Variants in SDK1 observed in about 807,000 individuals in gnomAD.
SDK1 encodes the protein protein sidekick-1.
In SDK1, 157 loss-of-function variants were observed where a neutral mutation model predicts 245.5. That is an observed-to-expected ratio of 0.64 (90% confidence interval 0.56 to 0.73). The LOEUF is 0.73. SDK1 is among the 30% of genes least tolerant of loss of function. The pLI, the probability that SDK1 is intolerant of heterozygous loss-of-function variation, is 0.00. For missense variants in SDK1, 3,583 were observed against 3,002.3 expected (o/e 1.19, Z -4.52); for synonymous variants, 1,647 against 1,278.5 (o/e 1.29, Z -6.15).
rs974125074 is a variant in SDK1, at chr7:3,859,302, G to T, written c.847+37719G>T. Among the ~76,000 whole-genome samples, 3 of 152,162 alleles carry T rather than the reference G, an allele frequency of 2.0e-5. No homozygotes were observed. The East Asian group carries it at 5.8e-4, about 29-fold the overall frequency. On this transcript the variant is annotated intron_variant, in intron 5 of 44. Transcript: ENST00000404826. ...TCTCCTTCCAAGGTAGCTCCTCCTG[G>T]GGGGCCTTTGCTCATGGCTTGAGGC... is the stretch of plus-strand genomic sequence containing the variant.
chr7:4,015,084 G>T (rs1304125493), intron 16 of SDK1, among the ~76,000 whole-genome samples: 1 of 152,108 alleles, frequency 6.6e-6, no homozygotes, highest in African/African-American at 2.4e-5. Context: ...TATATATTTA[G>T]GGAGTGCTTT....
intron 18 of SDK1, among the ~76,000 whole-genome samples, chr7:4,051,144 T>C (rs1358654681): frequency 7.1e-6 from 1 of 140,356 alleles, no homozygotes; most frequent in African/African-American, 2.6e-5. Flanking sequence ...ATAATATATG[T>C]ATAATATATA....
chr7:3,603,017 C>G (rs559066171), intron 1 of SDK1, among the ~76,000 whole-genome samples: 1 of 152,220 alleles, frequency 6.6e-6, no homozygotes, highest in East Asian at 1.9e-4. Context: ...TTTCTGAGGG[C>G]TCTGTTCTGT....
At chr7:3,439,984 T>C (rs964766690) in intron 1 of SDK1, among the ~76,000 whole-genome samples, 3 of 152,176 alleles carry the variant, frequency 2.0e-5, no homozygotes, top group Non-Finnish European at 4.4e-5. Flanking sequence ...ATATAGTAAA[T>C]GGGAAATATT....
intron 2 of SDK1, among the ~76,000 whole-genome samples, chr7:3,626,753 T>C (rs1782133041): frequency 6.6e-6 from 1 of 152,190 alleles, no homozygotes. Flanking sequence ...TGGCATGAAG[T>C]TCACAAAGTG....
At chr7:3,378,712 C>G (rs1554501) in intron 1 of SDK1, among the ~76,000 whole-genome samples, 29 of 152,026 alleles carry the variant, frequency 1.9e-4, no homozygotes, top group African/African-American at 6.8e-4. Flanking sequence ...CTCAGCGTTG[C>G]GTGAAGGTTC....
intron 18 of SDK1, among the ~76,000 whole-genome samples, chr7:4,051,406 A>G (rs1416203272): frequency 6.6e-6 from 1 of 151,244 alleles, no homozygotes; most frequent in Non-Finnish European, 1.5e-5. Context: ...TTAAGTAGTT[A>G]TTTACATATA....
chr7:3,445,560 T>G (rs1339264286), intron 1 of SDK1, among the ~76,000 whole-genome samples: 1 of 152,224 alleles, frequency 6.6e-6, no homozygotes, highest in Non-Finnish European at 1.5e-5. Flanking sequence ...GAGAGCTCTT[T>G]GTGCTCCTCA....
At position 4,049,412 on chromosome 7, in the gene SDK1, G is replaced by A. The variant is rs965603583; in HGVS notation, c.2667G>A (p.Leu889=). Reference sequence around the variant, plus strand: ...TGAACTCCACCACCATTCAGTTCCTGTGGAACCCTCCGCCTCAGCAGTTTA... The same window carrying A: ...TGAACTCCACCACCATTCAGTTCCTATGGAACCCTCCGCCTCAGCAGTTTA... The part of the protein sequence containing the change: ...EAVNSTTIQF[L]WNPPPQQFIN... The change falls in exon 18 of 45, where the codon CTG becomes CTA. Residue 889 remains leucine, a synonymous_variant. Coordinates refer to ENST00000404826, the MANE Select transcript of SDK1 (RefSeq NM_152744.4). The A allele has an allele frequency of 7.4e-6, 12 of 1,614,056 alleles. No homozygotes were observed. The highest frequency in any genetic ancestry group is 2.2e-5 in the East Asian group (1 of 44,888).
rs372178388 is a variant in SDK1 at position 3,353,316 on chromosome 7, T to A, written c.298+51432T>A. 2.5e-3 allele frequency among the ~76,000 whole-genome samples: 379 copies of A among 152,278 alleles called. 5 individuals are homozygous for A. The highest frequency in any genetic ancestry group is 8.8e-3 in the African/African-American group (364 of 41,546). ...GAGTATCTTTCATCTTGGGGGTTAT[T>A]TTGAAAATTGATGGCATTTGGAATA... On this transcript the variant is annotated intron_variant, in intron 1 of 44. Transcript: ENST00000404826.
chr7:3,417,328 G>C (rs905180770), intron 1 of SDK1, among the ~76,000 whole-genome samples: 1 of 152,190 alleles, frequency 6.6e-6, no homozygotes, highest in Non-Finnish European at 1.5e-5. Flanking sequence ...TCTCCAGCCA[G>C]TTCCCCGACT....
intron 41 of SDK1, among the ~76,000 whole-genome samples, chr7:4,234,814 C>T (rs1459230943): frequency 2.0e-5 from 3 of 152,160 alleles, no homozygotes; most frequent in Non-Finnish European, 4.4e-5. Context: ...GAGGGATGGG[C>T]TGTGTTTGAG....
chr7:3,368,858 T>C (rs1163823829), intron 1 of SDK1, among the ~76,000 whole-genome samples: 1 of 152,164 alleles, frequency 6.6e-6, no homozygotes, highest in African/African-American at 2.4e-5. Context: ...ATTTGATTGG[T>C]ATTAAATAAT....
intron 4 of SDK1, among the ~76,000 whole-genome samples, chr7:3,767,999 C>G (rs928558078): frequency 6.6e-6 from 1 of 152,196 alleles, no homozygotes; most frequent in African/African-American, 2.4e-5. Flanking sequence ...GGTGCTGTTA[C>G]TTTCATCCCT....
intron 1 of SDK1, among the ~76,000 whole-genome samples, chr7:3,449,719 C>A (rs139235899): frequency 6.6e-6 from 1 of 152,150 alleles, no homozygotes; most frequent in Admixed American, 6.5e-5. Flanking sequence ...AGACACTGAG[C>A]GGCAGAGACC....
At chr7:3,610,456 G>T (rs550308777) in intron 1 of SDK1, among the ~76,000 whole-genome samples, 8 of 152,310 alleles carry the variant, frequency 5.3e-5, no homozygotes, top group African/African-American at 1.9e-4. Flanking sequence ...CCATAGAAAT[G>T]ACAGTTCAGT....
At chr7:3,857,690 A>G (rs1381397857) in intron 5 of SDK1, among the ~76,000 whole-genome samples, 1 of 151,988 alleles carries the variant, frequency 6.6e-6, no homozygotes, top group Non-Finnish European at 1.5e-5. Context: ...CTGTCTCAAA[A>G]AAAAAAAATG....
chr7:4,074,279 G>T (rs919899933), intron 20 of SDK1, among the ~76,000 whole-genome samples: 1 of 152,182 alleles, frequency 6.6e-6, no homozygotes, highest in Non-Finnish European at 1.5e-5. Flanking sequence ...TGAAGCAGGG[G>T]CTTAGTGTAT....
At chr7:4,145,160 G>A (rs777799136) in intron 28 of SDK1, among the ~76,000 whole-genome samples, 16 of 152,170 alleles carry the variant, frequency 1.1e-4, no homozygotes, top group Admixed American at 7.9e-4. Context: ...GGAGCTGCTC[G>A]GGAGGGGTGG....
Sources: gnomAD v4.1 joint callset for allele counts (sites outside exome capture counted in the v4.1 genomes callset) on GRCh38, gnomAD v4.1.1 for gene constraint, MANE v1.5 for transcripts, NCBI Gene and HGNC (gene_info 2026-07-23, HGNC 2026-07-21) for gene names.